PLEKHF2: variants seen among roughly 807,000 people sequenced by gnomAD.
PLEKHF2 encodes pleckstrin homology domain-containing family F member 2.
A neutral mutation model predicts 14.7 loss-of-function variants in PLEKHF2; 4 were observed. The ratio of observed to expected loss-of-function variants is 0.27; its 90% confidence interval spans 0.13 to 0.62. The LOEUF (loss-of-function observed/expected upper bound fraction) is 0.62. Among genes scored for constraint, PLEKHF2 ranks in the 20% least tolerant of loss-of-function variants. The pLI is 0.85. For missense variants in PLEKHF2, 201 were observed against 307.7 expected, an observed-to-expected ratio of 0.65 and a Z score of 2.60; for synonymous variants, 90 against 103.5, an observed-to-expected ratio of 0.87 and a Z score of 0.79.
At chr8:95,134,097 C>G (rs1281928721) in intron 1 of PLEKHF2, 67 bp downstream of exon 1, 1 of 151,122 alleles carries the variant, frequency 6.6e-6, no homozygotes, top group Non-Finnish European at 1.5e-5. Flanking sequence ...GCGAAACTTT[C>G]CGGGCGCTTC....
rs934750286 is a variant in PLEKHF2, at chr8:95,135,804, A to G, written c.-15+1774A>G. ...CATTTTTCCTGTAGCATAACTTTGTAGGATACATAACTCAGTCTTCTGGAG... is the reference window on the plus strand; with the variant it reads ...CATTTTTCCTGTAGCATAACTTTGTGGGATACATAACTCAGTCTTCTGGAG... On this transcript the variant is annotated intron_variant, in intron 1 of 1. Coordinates refer to ENST00000315367, the MANE Select transcript of PLEKHF2 (RefSeq NM_024613.4). Among the ~76,000 whole-genome samples the G allele has an allele frequency of 2.0e-5, 3 of 152,304 alleles. No homozygotes were observed. In the East Asian group the frequency reaches 5.8e-4, roughly 29 times the overall value.
At chr8:95,147,853 T>C (rs1011897839) in intron 1 of PLEKHF2, among the ~76,000 whole-genome samples, 1 of 152,024 alleles carries the variant, frequency 6.6e-6, no homozygotes, top group Non-Finnish European at 1.5e-5. Flanking sequence ...TTTTATTTTC[T>C]GTCTTTAATA....
intron 1 of PLEKHF2, among the ~76,000 whole-genome samples, chr8:95,140,184 G>A (rs1321687945): frequency 1.3e-5 from 2 of 152,144 alleles, no homozygotes; most frequent in Non-Finnish European, 2.9e-5. Context: ...CTAAAACAAA[G>A]CTAGCATCTG....
intron 1 of PLEKHF2, among the ~76,000 whole-genome samples, chr8:95,147,864 G>A (rs1290315542): frequency 2.6e-5 from 4 of 151,562 alleles, no homozygotes; most frequent in African/African-American, 9.7e-5. Context: ...GTCTTTAATA[G>A]CAAAGAAAAA....
At chr8:95,143,679 TGG>T in intron 1 of PLEKHF2, among the ~76,000 whole-genome samples, 2 of 152,034 alleles carry the variant, frequency 1.3e-5, no homozygotes, top group Non-Finnish European at 2.9e-5. Flanking sequence ...GAGCATATTC[TGG>T]TAATAGCTAG....
At chr8:95,149,578 A>G (rs1343053074) in intron 1 of PLEKHF2, among the ~76,000 whole-genome samples, 1 of 152,218 alleles carries the variant, frequency 6.6e-6, no homozygotes, top group East Asian at 1.9e-4. Flanking sequence ...ATGTAGGACA[A>G]GATGAAATGG....
intron 1 of PLEKHF2, among the ~76,000 whole-genome samples, chr8:95,143,409 C>T (rs902525267): frequency 6.6e-6 from 1 of 152,070 alleles, no homozygotes; most frequent in East Asian, 1.9e-4. Flanking sequence ...TGGAAATAAT[C>T]TTTTTTTAAG....
chr8:95,145,027 T>C (rs534911659), intron 1 of PLEKHF2, among the ~76,000 whole-genome samples: 1 of 152,346 alleles, frequency 6.6e-6, no homozygotes, highest in African/African-American at 2.4e-5. Context: ...GAATGTGCTA[T>C]TATGCACATG....
chr8:95,142,584 T>A (rs573724216), intron 1 of PLEKHF2, among the ~76,000 whole-genome samples: 1 of 152,332 alleles, frequency 6.6e-6, no homozygotes, highest in Admixed American at 6.5e-5. Context: ...ATGCTTTCTT[T>A]ACAGCTGTCA....
chr8:95,153,196 G>T (rs115835223), intron 1 of PLEKHF2, among the ~76,000 whole-genome samples: 4,268 of 152,200 alleles, frequency 0.028, 208 homozygotes, highest in African/African-American at 0.098. Context: ...AATATGGATA[G>T]CTCACAGGAA....
intron 1 of PLEKHF2, among the ~76,000 whole-genome samples, chr8:95,142,413 C>G (rs991567972): frequency 6.6e-6 from 1 of 152,118 alleles, no homozygotes; most frequent in Non-Finnish European, 1.5e-5. Context: ...CACCGCCACA[C>G]CTGGCTAATT....
rs765527921 is a variant in PLEKHF2, at chr8:95,154,956, C to T, written c.*162C>T. ...ATATATTCCATAGAAAGTAGGTCCC[C>T]CTGCCTTCTCCCACTCCTCACACTC... On this transcript the variant is annotated 3_prime_UTR_variant, in exon 2 of 2. Transcript: ENST00000315367. The surrounding 1 kb of genome is among the most constrained non-coding windows in gnomAD (Gnocchi z 5.6). 1.1e-5 allele frequency: 8 copies of T among 761,688 alleles called. No homozygotes were observed. The highest frequency in any genetic ancestry group is 1.8e-5 in the African/African-American group (1 of 56,592). The allele number at this position is 761,688 out of a possible 1,614,324, so 47.2% of individuals were successfully genotyped here. A position where few individuals can be genotyped will look rare whatever the true frequency, so the allele number is the denominator to read the frequency against.
intron 1 of PLEKHF2, among the ~76,000 whole-genome samples, chr8:95,138,771 C>T (rs985441728): frequency 1.3e-5 from 2 of 152,154 alleles, no homozygotes; most frequent in African/African-American, 4.8e-5. Flanking sequence ...TTCTAAAAAA[C>T]TGCCTAAAAA....
rs781520310 is a variant in PLEKHF2 at position 95,154,360 on chromosome 8, A to G, written c.316A>G (p.Thr106Ala). 7 of 1,614,030 alleles carry G rather than the reference A, an allele frequency of 4.3e-6. No homozygotes were observed. The highest frequency in any genetic ancestry group is 1.1e-5 in the South Asian group (1 of 91,096). ...GAATGGATGGCTAATCAAGACACCA[A>G]CTAAATCTTTTGCAGTTTATGCTGC... ...LRNGWLIKTPTKSFAVYAATA... is the reference protein window; with the variant it reads ...LRNGWLIKTPAKSFAVYAATA... Residue 106 changes from threonine to alanine, a missense_variant, in exon 2 of 2, where the codon ACT becomes GCT. Transcript: ENST00000315367. The surrounding 1 kb of genome is among the most constrained non-coding windows in gnomAD (Gnocchi z 5.6).
chr8:95,134,721 A>G (rs936405931), intron 1 of PLEKHF2, among the ~76,000 whole-genome samples: 2 of 152,168 alleles, frequency 1.3e-5, no homozygotes, highest in Non-Finnish European at 2.9e-5. Flanking sequence ...CGTACATTCC[A>G]GCAATAACTT....
At chr8:95,145,866 A>G (rs1810495201) in intron 1 of PLEKHF2, among the ~76,000 whole-genome samples, 3 of 152,200 alleles carry the variant, frequency 2.0e-5, no homozygotes, top group Admixed American at 2.0e-4. Flanking sequence ...GGTACTCAGA[A>G]TATTTGTTCA....
At chr8:95,146,771 GA>G (rs1197829135) in intron 1 of PLEKHF2, among the ~76,000 whole-genome samples, 1 of 151,314 alleles carries the variant, frequency 6.6e-6, no homozygotes, top group East Asian at 1.9e-4. Flanking sequence ...TTTTAACTGT[GA>G]ATTAACACTG....
intron 1 of PLEKHF2, among the ~76,000 whole-genome samples, chr8:95,153,547 C>T (rs897898228): frequency 6.6e-6 from 1 of 152,114 alleles, no homozygotes; most frequent in Admixed American, 6.6e-5. Context: ...AAGGCCAGGA[C>T]ACATGTTGGG....
chr8:95,136,206 A>G (rs753356961), intron 1 of PLEKHF2, among the ~76,000 whole-genome samples: 1 of 152,158 alleles, frequency 6.6e-6, no homozygotes, highest in African/African-American at 2.4e-5. Context: ...TTCCTTGTAA[A>G]TATGCTTCAT....
Sources: gnomAD v4.1 joint callset for allele counts (sites outside exome capture counted in the v4.1 genomes callset) on GRCh38, gnomAD v4.1.1 for gene constraint, Gnocchi (gnomAD v3.1) non-coding constraint, MANE v1.5 for transcripts, NCBI Gene and HGNC (gene_info 2026-07-23, HGNC 2026-07-21) for gene names.